The following KIF16B variants were observed in gnomAD, a reference collection of about 807,000 sequenced individuals.
KIF16B encodes the protein kinesin-like protein KIF16B.
KIF16B carries 98 observed loss-of-function variants against 156.3 expected under a neutral mutation model. The ratio of observed to expected loss-of-function variants is 0.63; its 90% confidence interval spans 0.53 to 0.74. The LOEUF is 0.74. KIF16B is among the 30% of genes least tolerant of loss of function. The pLI, the probability that KIF16B is intolerant of heterozygous loss-of-function variation, is 0.00. For synonymous variants in KIF16B, 564 were observed against 583.7 expected (o/e 0.97, Z 0.49); for missense variants, 1,421 against 1,606.5 (o/e 0.88, Z 1.97).
At chr20:16,437,719 T>C (rs1475283415) in intron 12 of KIF16B, among the ~76,000 whole-genome samples, 2 of 152,210 alleles carry the variant, frequency 1.3e-5, no homozygotes. Flanking sequence ...TATGTTTCCT[T>C]GTAATACTTT....
intron 3 of KIF16B, among the ~76,000 whole-genome samples, chr20:16,523,623 G>C (rs1301579698): frequency 1.3e-5 from 2 of 152,090 alleles, no homozygotes; most frequent in Non-Finnish European, 1.5e-5. Flanking sequence ...GTTACTTATA[G>C]ATTCAATGCT....
At chr20:16,527,159 C>T (rs776409192) in intron 2 of KIF16B, among the ~76,000 whole-genome samples, 2 of 152,078 alleles carry the variant, frequency 1.3e-5, no homozygotes, top group Non-Finnish European at 2.9e-5. Flanking sequence ...TGAGAATATG[C>T]GAGAGGCCAA....
intron 17 of KIF16B, among the ~76,000 whole-genome samples, chr20:16,400,213 T>C (rs1275897078): frequency 1.3e-5 from 2 of 152,218 alleles, no homozygotes; most frequent in Non-Finnish European, 2.9e-5. Flanking sequence ...GGGAACTACA[T>C]TTTGAGATTT....
At chr20:16,387,196 T>C (rs1299546596) in intron 17 of KIF16B, among the ~76,000 whole-genome samples, 1 of 152,134 alleles carries the variant, frequency 6.6e-6, no homozygotes. Flanking sequence ...TTATTTGTAA[T>C]AATGAAGGGG....
intron 25 of KIF16B, among the ~76,000 whole-genome samples, chr20:16,305,625 C>T (rs1435731090): frequency 6.6e-6 from 1 of 152,080 alleles, no homozygotes; most frequent in Non-Finnish European, 1.5e-5. Context: ...AATGCTAGAA[C>T]TTATTCCTTC....
chr20:16,564,402 C>T (rs896615073), intron 1 of KIF16B, among the ~76,000 whole-genome samples: 2 of 152,056 alleles, frequency 1.3e-5, no homozygotes, highest in Admixed American at 1.3e-4. Context: ...CATACGTGTG[C>T]ATCGCAAGGA....
At chr20:16,275,768 G>T (rs1401533325) in intron 25 of KIF16B, among the ~76,000 whole-genome samples, 1 of 152,100 alleles carries the variant, frequency 6.6e-6, no homozygotes, top group Non-Finnish European at 1.5e-5. Context: ...TTATCAGAGG[G>T]GCAAAGAGAG....
chr20:16,446,971 G>C (rs1269833750), intron 12 of KIF16B, among the ~76,000 whole-genome samples: 1 of 152,118 alleles, frequency 6.6e-6, no homozygotes, highest in Non-Finnish European at 1.5e-5. Flanking sequence ...TTCAGAACAA[G>C]GACCCTGTCT....
chr20:16,469,459 T>C (rs2067595385), intron 12 of KIF16B, among the ~76,000 whole-genome samples: 1 of 151,434 alleles, frequency 6.6e-6, no homozygotes, highest in Admixed American at 6.6e-5. Context: ...AAACAACACT[T>C]ATCAAAATTT....
intron 12 of KIF16B, among the ~76,000 whole-genome samples, chr20:16,483,593 T>C (rs770227124): frequency 6.6e-6 from 1 of 152,198 alleles, no homozygotes; most frequent in Non-Finnish European, 1.5e-5. Flanking sequence ...GCTGACCATG[T>C]GCTGGACACT....
At chr20:16,280,871 C>G (rs2063137673) in intron 25 of KIF16B, among the ~76,000 whole-genome samples, 1 of 61,160 alleles carries the variant, frequency 1.6e-5, no homozygotes, top group African/African-American at 8.3e-5. Flanking sequence ...TGTGTGTGCG[C>G]AGAAAATGCA....
chr20:16,310,112 G>A (rs1202308741), intron 25 of KIF16B, among the ~76,000 whole-genome samples: 3 of 152,196 alleles, frequency 2.0e-5, no homozygotes, highest in African/African-American at 4.8e-5. Context: ...AATATTCTAA[G>A]ATTTAACAGT....
chr20:16,302,642 G>A (rs1320537523), intron 25 of KIF16B, among the ~76,000 whole-genome samples: 1 of 152,138 alleles, frequency 6.6e-6, no homozygotes, highest in African/African-American at 2.4e-5. Context: ...CCATGAACAT[G>A]GAATACCTCT....
intron 7 of KIF16B, among the ~76,000 whole-genome samples, chr20:16,507,217 G>A (rs1358856078): frequency 6.6e-6 from 1 of 152,142 alleles, no homozygotes; most frequent in Non-Finnish European, 1.5e-5. Flanking sequence ...AGATTAAGAT[G>A]TGGAGAATTT....
chr20:16,365,030 T>G (rs1402463308), intron 22 of KIF16B, among the ~76,000 whole-genome samples: 1 of 152,234 alleles, frequency 6.6e-6, no homozygotes, highest in Non-Finnish European at 1.5e-5. Flanking sequence ...CACTCCCTTC[T>G]TCCTGACCAT....
At chr20:16,351,238 G>T (rs971826136) in intron 23 of KIF16B, among the ~76,000 whole-genome samples, 2 of 152,208 alleles carry the variant, frequency 1.3e-5, no homozygotes, top group Non-Finnish European at 2.9e-5. Context: ...TGACATGTAA[G>T]TTAAAATGCA....
intron 6 of KIF16B, 22 bp downstream of exon 6, chr20:16,511,396 G>A: frequency 8.1e-7 from 1 of 1,233,204 alleles, no homozygotes; most frequent in Non-Finnish European, 1.2e-6. Flanking sequence ...AAAGAATATG[G>A]CTGTGAAATA....
intron 12 of KIF16B, among the ~76,000 whole-genome samples, chr20:16,468,631 C>G (rs964050418): frequency 7.5e-6 from 1 of 133,036 alleles, no homozygotes; most frequent in Non-Finnish European, 1.6e-5. Context: ...GGGATCAATA[C>G]TCCAAAACTA....
chr20:16,455,046 G>T (rs1436064130), intron 12 of KIF16B, among the ~76,000 whole-genome samples: 3 of 152,184 alleles, frequency 2.0e-5, no homozygotes, highest in Non-Finnish European at 4.4e-5. Flanking sequence ...TTGTGAGTTT[G>T]TGCATCCAAA....
Sources: allele counts gnomAD v4.1 joint callset (sites outside exome capture counted in the v4.1 genomes callset), GRCh38; gene constraint gnomAD v4.1.1; transcripts MANE v1.5; gene names NCBI Gene and HGNC (gene_info 2026-07-23, HGNC 2026-07-21).